The following RPL35 variants were observed in gnomAD, a reference collection of about 807,000 sequenced individuals.
The protein encoded by RPL35 is large ribosomal subunit protein uL29.
A neutral mutation model predicts 15.6 loss-of-function variants in RPL35; 2 were observed. That is an observed-to-expected ratio of 0.13 (90% CI 0.05 to 0.40). The LOEUF is 0.40. Among genes scored for constraint, RPL35 ranks in the 10% least tolerant of loss-of-function variants. The pLI is 0.99. For synonymous variants in RPL35, 93 were observed against 67.9 expected, an observed-to-expected ratio of 1.37 and a Z score of -1.82; for missense variants, 111 against 164.7, an observed-to-expected ratio of 0.67 and a Z score of 1.79.
chr9:124,859,866 G>A (rs576252829), intron 3 of RPL35, among the ~76,000 whole-genome samples: 2 of 152,098 alleles, frequency 1.3e-5, no homozygotes, highest in Non-Finnish European at 2.9e-5. Flanking sequence ...GCCAGTAAGA[G>A]GCAGTGAAAA....
intron 3 of RPL35, among the ~76,000 whole-genome samples, chr9:124,859,353 T>G (rs946461973): frequency 1.5e-4 from 23 of 152,226 alleles, no homozygotes; most frequent in Admixed American, 1.5e-3. Context: ...CAAACACAAT[T>G]TGGGTAGTGA....
chr9:124,861,343 C>G, intron 2 of RPL35, 76 bp downstream of exon 2: 1 of 1,549,424 alleles, frequency 6.5e-7, no homozygotes, highest in South Asian at 1.2e-5. Flanking sequence ...CTTAAGCCAA[C>G]TTTGAAATCC....
chr9:124,861,704 C>T (rs1829200271), intron 1 of RPL35, 149 bp from the exon 2 acceptor site: 1 of 1,358,434 alleles, frequency 7.4e-7, no homozygotes, highest in South Asian at 1.4e-5. Context: ...CCTCGCCGGC[C>T]GTGCCTTGGG....
intron 1 of RPL35, 94 bp from the exon 2 acceptor site, chr9:124,861,649 G>A (rs1014040754): frequency 2.2e-5 from 34 of 1,522,698 alleles, no homozygotes; most frequent in Non-Finnish European, 2.8e-5. Context: ...ACTCGCCATC[G>A]ACTACGAGTG....
chr9:124,860,867 G>C (rs1434859324), intron 2 of RPL35: 1 of 158,800 alleles, frequency 6.3e-6, no homozygotes, highest in Non-Finnish European at 1.4e-5. Context: ...TTGGAGACAG[G>C]GTCTCACCTG....
In RPL35 at chr9:124,861,563, C is replaced by T. The variant is rs372002428; in HGVS notation, c.4-8G>A. 2 of 1,613,316 alleles carry T rather than the reference C, an allele frequency of 1.2e-6. No homozygotes were observed. The highest frequency in any genetic ancestry group is 1.7e-6 in the Non-Finnish European group (2 of 1,179,750). On this transcript the variant is annotated splice_polypyrimidine_tract_variant and splice_region_variant and intron_variant, in intron 1 of 3. Coordinates refer to ENST00000348462, the MANE Select transcript of RPL35 (RefSeq NM_007209.4). ...TCGAGCCTTGATCTTGGCCTGCGCGCAAGAGAGAGTGTGCCTCAGCCAGGC... is the reference window on the plus strand; with the variant it reads ...TCGAGCCTTGATCTTGGCCTGCGCGTAAGAGAGAGTGTGCCTCAGCCAGGC...
chr9:124,861,602 C>T (rs1310392433), intron 1 of RPL35, 47 bp from the exon 2 acceptor site: 7 of 1,597,046 alleles, frequency 4.4e-6, no homozygotes, highest in Non-Finnish European at 6.0e-6. Context: ...GGGGCCATAT[C>T]CCCTTCACCT....
rs1478971913 is a variant in RPL35, at chr9:124,861,443, C to A, written c.116G>T (p.Gly39Val). 6.2e-7 allele frequency: 1 copy of A among 1,613,484 alleles called. No individual in the cohort carries two copies. The highest frequency in any genetic ancestry group is 1.7e-5 in the Admixed American group (1 of 59,988). ...CATCTTAGAGAGCTTGGAGGCCGCACCGCCTGTCACTTTGGCGACGCGCAG... is the reference window on the plus strand; with the variant it reads ...CATCTTAGAGAGCTTGGAGGCCGCAACGCCTGTCACTTTGGCGACGCGCAG... ...SQLRVAKVTG[G>V]AASKLSKIRV... Residue 39 changes from glycine (G) to valine (V), a missense_variant, in exon 2 of 4, where the codon GGT becomes GTT. Gly to Val is a moderately radical substitution (Grantham distance 109). Transcript: ENST00000348462.
At chr9:124,861,640 C>A in intron 1 of RPL35, 85 bp from the exon 2 acceptor site, 2 of 1,548,144 alleles carry the variant, frequency 1.3e-6, no homozygotes, top group Non-Finnish European at 1.8e-6. Flanking sequence ...AGGCGCGCGA[C>A]TCGCCATCGA....
At chr9:124,861,693 C>T (rs754511660) in intron 1 of RPL35, 138 bp from the exon 2 acceptor site, 125 of 1,376,980 alleles carry the variant, frequency 9.1e-5, no homozygotes, top group Non-Finnish European at 1.2e-4. Context: ...AGGACAGTCT[C>T]CCTCGCCGGC....
At chr9:124,858,290 G>A in intron 3 of RPL35, 1 of 617,872 alleles carries the variant, frequency 1.6e-6, no homozygotes, top group Non-Finnish European at 2.9e-6. Context: ...TGGGCTGAGT[G>A]TCCAAGTCTT....
intron 1 of RPL35, 46 bp downstream of exon 1, chr9:124,861,864 C>T (rs751294814): frequency 6.9e-6 from 11 of 1,600,174 alleles, no homozygotes; most frequent in Non-Finnish European, 9.4e-6. Flanking sequence ...TCCCCAACCC[C>T]CGCGCCTCAC....
chr9:124,861,577 C>G lies in RPL35; in HGVS notation c.4-22G>C, dbSNP rs150981052. 5.8e-3 allele frequency: 9,334 copies of G among 1,611,752 alleles called. 453 individuals carry two copies. In the Admixed American group the frequency reaches 0.1, roughly 18 times the overall value. On this transcript the variant is annotated intron_variant, in intron 1 of 3. Transcript: ENST00000348462. Reference sequence around the variant, plus strand: ...TGGCCTGCGCGCAAGAGAGAGTGTGCCTCAGCCAGGCCGCGGGGCCATATC... The same window carrying G: ...TGGCCTGCGCGCAAGAGAGAGTGTGGCTCAGCCAGGCCGCGGGGCCATATC...
At chr9:124,861,591 C>T (rs1171794505) in intron 1 of RPL35, 36 bp from the exon 2 acceptor site, 1 of 1,608,622 alleles carries the variant, frequency 6.2e-7, no homozygotes, top group East Asian at 2.2e-5. Context: ...AGCCAGGCCG[C>T]GGGGCCATAT....
intron 2 of RPL35, 34 bp from the exon 3 acceptor site, chr9:124,860,298 G>C (rs1829176897): frequency 6.4e-7 from 1 of 1,551,250 alleles, no homozygotes; most frequent in East Asian, 2.2e-5. Context: ...AGATAGGGAA[G>C]ACACATAGCA....
At chr9:124,861,876 G>C in intron 1 of RPL35, 34 bp downstream of exon 1, 1 of 1,602,106 alleles carries the variant, frequency 6.2e-7, no homozygotes, top group Non-Finnish European at 8.5e-7. Flanking sequence ...GCGCCTCACA[G>C]CGCTCGGATG....
chr9:124,858,544 G>T, intron 3 of RPL35: 1 of 714,874 alleles, frequency 1.4e-6, no homozygotes, highest in South Asian at 1.5e-5. Flanking sequence ...CTGCCTGTAT[G>T]AACGTCCAGC....
chr9:124,861,939 C>A lies in RPL35; in HGVS notation c.-27G>T, dbSNP rs1236528471. 6.3e-7 allele frequency: 1 copy of A among 1,598,542 alleles called. No homozygotes were observed. Among genetic ancestry groups the A allele is most frequent in the Non-Finnish European group, 8.5e-7 (1 of 1,173,418 alleles). On this transcript the variant is annotated 5_prime_UTR_variant, in exon 1 of 4. Coordinates refer to ENST00000348462, the MANE Select transcript of RPL35 (RefSeq NM_007209.4). ...GCTGCACAAGCCGCCAACGCCGCCGCCCGCTCCGAGGGAAAGAGGAAGTAG... is the reference window on the plus strand; with the variant it reads ...GCTGCACAAGCCGCCAACGCCGCCGACCGCTCCGAGGGAAAGAGGAAGTAG...
intron 2 of RPL35, 83 bp from the exon 3 acceptor site, chr9:124,860,347 G>T: frequency 9.0e-7 from 1 of 1,117,210 alleles, no homozygotes; most frequent in Non-Finnish European, 1.4e-6. Context: ...GGCAGCAATA[G>T]CTGCAGCCTC....
Sources: allele counts gnomAD v4.1 joint callset (sites outside exome capture counted in the v4.1 genomes callset), GRCh38; gene constraint gnomAD v4.1.1; transcripts MANE v1.5; gene names NCBI Gene and HGNC (gene_info 2026-07-23, HGNC 2026-07-21).